The following MAST2 variants were observed in gnomAD, a reference collection of about 807,000 sequenced individuals.
The protein encoded by MAST2 is microtubule-associated serine/threonine-protein kinase 2.
MAST2 carries 70 observed loss-of-function variants against 147.4 expected under a neutral mutation model. The observed-to-expected ratio is 0.47, with a 90% CI of 0.39 to 0.58. The LOEUF (loss-of-function observed/expected upper bound fraction) is 0.58. Ranked by LOEUF, MAST2 falls within the 20% of genes least tolerant of loss-of-function variation. The pLI is 0.00. For synonymous variants in MAST2, 869 were observed against 896.8 expected (o/e 0.97, Z 0.55); for missense variants, 2,080 against 2,302.3 (o/e 0.90, Z 1.98).
intron 4 of MAST2, among the ~76,000 whole-genome samples, chr1:45,897,196 C>T (rs1044865094): frequency 1.3e-5 from 2 of 152,254 alleles, no homozygotes; most frequent in South Asian, 2.1e-4. Context: ...CAATACAAGT[C>T]TAGGAGTAGG....
At chr1:45,955,740 G>A (rs1028782573) in intron 4 of MAST2, among the ~76,000 whole-genome samples, 9 of 152,190 alleles carry the variant, frequency 5.9e-5, no homozygotes, top group African/African-American at 2.2e-4. Flanking sequence ...GAGGAGGCCG[G>A]TGTGGCTGGA....
chr1:45,955,425 A>G (rs1659519512), intron 4 of MAST2, among the ~76,000 whole-genome samples: 1 of 152,190 alleles, frequency 6.6e-6, no homozygotes, highest in Non-Finnish European at 1.5e-5. Context: ...AGTTTTAAAA[A>G]ATATTTTCCA....
chr1:46,028,849 G>T lies in MAST2; in HGVS notation c.2134G>T (p.Gly712Cys), dbSNP rs1469958095. 1 of 1,613,890 alleles carries T rather than the reference G, an allele frequency of 6.2e-7. No homozygotes were observed. Among genetic ancestry groups the T allele is most frequent in the African/African-American group, 1.3e-5 (1 of 74,916 alleles). ...YGKPVDWWAM[G>C]IILYEFLVGC... ...GAAGCCAGTGGACTGGTGGGCCATG[G>T]GCATTATCCTGTATGAGTTCCTGGT... is the stretch of plus-strand genomic sequence containing the variant. Residue 712 changes from glycine to cysteine, a missense_variant, in exon 18 of 29, where the codon GGC becomes TGC. Gly to Cys is a radical substitution (Grantham distance 159). Coordinates refer to ENST00000361297, the MANE Select transcript of MAST2 (RefSeq NM_015112.3).
chr1:45,899,210 T>C (rs570881480), intron 4 of MAST2, among the ~76,000 whole-genome samples: 15 of 152,296 alleles, frequency 9.8e-5, no homozygotes, highest in Non-Finnish European at 2.1e-4. Flanking sequence ...CAAACAGCTC[T>C]TGATCAATTT....
chr1:45,994,274 CTTTTTTTTTTTTT>C (rs869216588), intron 5 of MAST2, among the ~76,000 whole-genome samples: 2 of 61,992 alleles, frequency 3.2e-5, no homozygotes, highest in East Asian at 6.3e-4. Flanking sequence ...CCCTAACCCT[CTTTTTTTTTTTTT>C]TTTTTTTTTT....
chr1:45,841,803 C>A (rs963371048), intron 3 of MAST2, among the ~76,000 whole-genome samples: 1 of 152,118 alleles, frequency 6.6e-6, no homozygotes, highest in Non-Finnish European at 1.5e-5. Context: ...TATTTATGGA[C>A]TTTAAAGCAG....
intron 1 of MAST2, among the ~76,000 whole-genome samples, chr1:45,810,825 A>AT (rs1193104178): frequency 2.0e-5 from 3 of 150,916 alleles, no homozygotes; most frequent in African/African-American, 7.3e-5. Flanking sequence ...AAAAAAAAAA[A>AT]AAAAGGATAA....
chr1:45,974,351 C>T (rs1023551219), intron 5 of MAST2, among the ~76,000 whole-genome samples: 1 of 152,200 alleles, frequency 6.6e-6, no homozygotes, highest in African/African-American at 2.4e-5. Context: ...AATCCCCACA[C>T]TTCAGGAGGC....
At chr1:45,815,471 G>T (rs958932616) in intron 1 of MAST2, among the ~76,000 whole-genome samples, 8 of 152,106 alleles carry the variant, frequency 5.3e-5, no homozygotes, top group African/African-American at 1.9e-4. Context: ...TGACTGGTCA[G>T]ACTTTCTATC....
chr1:45,868,605 T>C (rs1048815790), intron 3 of MAST2, among the ~76,000 whole-genome samples: 1 of 152,160 alleles, frequency 6.6e-6, no homozygotes, highest in Non-Finnish European at 1.5e-5. Context: ...TTACGGGTAC[T>C]TAATTATTTT....
intron 1 of MAST2, 86 bp downstream of exon 1, chr1:45,804,158 T>G (rs1372000721): frequency 2.4e-6 from 3 of 1,261,604 alleles, no homozygotes; most frequent in African/African-American, 1.6e-5. Context: ...GGGCTGGAGC[T>G]TTGGAGGGGT....
intron 3 of MAST2, among the ~76,000 whole-genome samples, chr1:45,855,345 AT>A (rs2148020482): frequency 6.8e-6 from 1 of 147,308 alleles, no homozygotes; most frequent in South Asian, 2.1e-4. Context: ...TTTTTTTTCT[AT>A]TTGATTCTTC....
At position 46,035,195 on chromosome 1, in the gene MAST2, A is replaced by G; in HGVS notation, c.4526A>G (p.Glu1509Gly). ...REVDSSEDDT[E>G]EGPENSQGAQ... ...GTGGACTCCTCAGAGGACGACACCGAGGAAGGGCCTGAGAACAGCCAGGGT... is the reference window on the plus strand; with the variant it reads ...GTGGACTCCTCAGAGGACGACACCGGGGAAGGGCCTGAGAACAGCCAGGGT... The change falls in exon 29 of 29, where the codon GAG becomes GGG. Residue 1509 changes from glutamate (E) to glycine (G), a missense_variant. Around this residue, in one of 4 missense-constraint regions of MAST2, gnomAD observed 1,278 missense variants for 1,304.2 expected, o/e 0.98. Coordinates refer to ENST00000361297, the MANE Select transcript of MAST2 (RefSeq NM_015112.3). The surrounding 1 kb of genome is among the most constrained non-coding windows in gnomAD (Gnocchi z 5.5). The G allele has an allele frequency of 6.2e-7, 1 of 1,614,050 alleles. No homozygotes were observed. Among genetic ancestry groups the G allele is most frequent in the African/African-American group, 1.3e-5 (1 of 75,060 alleles).
intron 5 of MAST2, among the ~76,000 whole-genome samples, chr1:45,992,875 G>A (rs550598321): frequency 6.6e-6 from 1 of 151,592 alleles, no homozygotes; most frequent in East Asian, 1.9e-4. Flanking sequence ...CTTTATTTGG[G>A]GTTAAGTGTG....
chr1:45,820,327 A>G (rs1000616879), intron 1 of MAST2, among the ~76,000 whole-genome samples: 1 of 152,224 alleles, frequency 6.6e-6, no homozygotes, highest in Non-Finnish European at 1.5e-5. Context: ...CCCCACATGC[A>G]GAGGCAACCA....
At chr1:45,837,019 A>G (rs1390773434) in intron 3 of MAST2, among the ~76,000 whole-genome samples, 1 of 152,184 alleles carries the variant, frequency 6.6e-6, no homozygotes, top group Non-Finnish European at 1.5e-5. Flanking sequence ...AATAGGGTTC[A>G]TGCCCCTACG....
chr1:45,982,038 G>A (rs1317634003), intron 5 of MAST2, among the ~76,000 whole-genome samples: 6 of 151,882 alleles, frequency 4.0e-5, no homozygotes, highest in East Asian at 1.9e-4. Context: ...TAGTAGAGAC[G>A]GAGTTTCACC....
At chr1:45,989,440 G>A (rs1421197996) in intron 5 of MAST2, among the ~76,000 whole-genome samples, 3 of 152,020 alleles carry the variant, frequency 2.0e-5, no homozygotes, top group Admixed American at 2.0e-4. Flanking sequence ...AGTTTCTTAC[G>A]TCAGCACTTT....
At chr1:45,848,593 T>C (rs1645519421) in intron 3 of MAST2, among the ~76,000 whole-genome samples, 1 of 152,214 alleles carries the variant, frequency 6.6e-6, no homozygotes, top group Non-Finnish European at 1.5e-5. Flanking sequence ...CTTTGCCTCA[T>C]GCACCTTTTC....
Sources: allele counts gnomAD v4.1 joint callset (sites outside exome capture counted in the v4.1 genomes callset), GRCh38; gene constraint gnomAD v4.1.1; regional missense constraint gnomAD v4.1.1; non-coding constraint Gnocchi (gnomAD v3.1); transcripts MANE v1.5; gene names NCBI Gene and HGNC (gene_info 2026-07-23, HGNC 2026-07-21).